ZNF175: variants seen among roughly 807,000 people sequenced by gnomAD.
The protein encoded by ZNF175 is zinc finger protein OTK18.
Under a neutral mutation model 14.0 loss-of-function variants are expected in ZNF175, and 8 were observed. That is an observed-to-expected ratio of 0.57 (90% confidence interval 0.34 to 1.03). ZNF175 has a LOEUF of 1.03. Among genes scored for constraint, ZNF175 ranks in the 50% least tolerant of loss-of-function variants. The probability of loss-of-function intolerance (pLI) is 0.03; values close to 1 mark genes in which losing one functional copy is unlikely to be tolerated. For synonymous variants in ZNF175, 255 were observed against 296.8 expected, an observed-to-expected ratio of 0.86 and a Z score of 1.45; for missense variants, 764 against 849.5, an observed-to-expected ratio of 0.90 and a Z score of 1.25.
chr19:51,576,488 C>G (rs913555452), intron 2 of ZNF175, among the ~76,000 whole-genome samples: 5 of 152,114 alleles, frequency 3.3e-5, no homozygotes, highest in Non-Finnish European at 7.4e-5. Flanking sequence ...TTGCGAGGTA[C>G]TGCTGCCATT....
chr19:51,573,313 A>G lies in ZNF175; in HGVS notation c.-17A>G, dbSNP rs375509014. 11 of 1,612,606 alleles carry G rather than the reference A, an allele frequency of 6.8e-6. No individual in the cohort carries two copies. The highest frequency in any genetic ancestry group is 2.5e-6 in the Non-Finnish European group (3 of 1,179,460). Reference sequence around the variant, plus strand: ...GTTGTCAGCAAGAGAGACCGAGAGTAGAAGCCCAGAGTGGAGATGCCTGCT... The same window carrying G: ...GTTGTCAGCAAGAGAGACCGAGAGTGGAAGCCCAGAGTGGAGATGCCTGCT... On this transcript the variant is annotated 5_prime_UTR_variant, in exon 2 of 5. Coordinates refer to ENST00000262259, the MANE Select transcript of ZNF175 (RefSeq NM_007147.4).
chr19:51,578,792 A>C (rs1306865102), intron 2 of ZNF175, among the ~76,000 whole-genome samples: 1 of 152,000 alleles, frequency 6.6e-6, no homozygotes, highest in Admixed American at 6.5e-5. Flanking sequence ...AAGACCTGAG[A>C]GGTTTACAGG....
At chr19:51,580,930 C>T (rs1377830067) in intron 2 of ZNF175, among the ~76,000 whole-genome samples, 1 of 152,182 alleles carries the variant, frequency 6.6e-6, no homozygotes, top group African/African-American at 2.4e-5. Context: ...TGCCCTTCCC[C>T]AACAGTGTCC....
chr19:51,592,210 GTAGT>G lies in ZNF175; in HGVS notation c.*3747_*3750del, dbSNP rs759878345. Reference sequence around the variant, plus strand: ...ATTGGCACAAAGGTTGGGCACAGTAGTAGTTAGGCTCATGGGCTCTGGAGCCAAC... The same window carrying G: ...ATTGGCACAAAGGTTGGGCACAGTAGTAGGCTCATGGGCTCTGGAGCCAAC... On this transcript the variant is annotated 3_prime_UTR_variant, in exon 5 of 5. Coordinates refer to ENST00000262259, the MANE Select transcript of ZNF175 (RefSeq NM_007147.4). 1 of 181,404 alleles carries G rather than the reference GTAGT, an allele frequency of 5.5e-6. No individual in the cohort carries two copies. Among genetic ancestry groups the G allele is most frequent in the Admixed American group, 5.5e-5 (1 of 18,068 alleles). The allele number at this position is 181,404 out of a possible 1,614,324, so 11.2% of individuals were successfully genotyped here. A position where few individuals can be genotyped will look rare whatever the true frequency, so the allele number is the denominator to read the frequency against.
rs1981928409 is a variant in ZNF175, at chr19:51,579,560, C to T, written c.73-1831C>T. On this transcript the variant is annotated intron_variant, in intron 2 of 4. Coordinates refer to ENST00000262259, the MANE Select transcript of ZNF175 (RefSeq NM_007147.4). ...CATCTGGGAATTGCCAGTGTAACTC[C>T]CATGCCTGTACCAAAATGCATACAG... Among the ~76,000 whole-genome samples the T allele has an allele frequency of 2.0e-5, 3 of 152,192 alleles. No homozygotes were observed. In the South Asian group the frequency reaches 6.2e-4, roughly 32 times the overall value.
At chr19:51,584,358 A>C (rs1328898395) in intron 4 of ZNF175, among the ~76,000 whole-genome samples, 4 of 152,222 alleles carry the variant, frequency 2.6e-5, no homozygotes, top group Non-Finnish European at 5.9e-5. Flanking sequence ...AGGACATGAG[A>C]GTGTGCTTGG....
At chr19:51,571,602 G>A (rs1041728319) in intron 1 of ZNF175, 127 bp downstream of exon 1, 2 of 152,190 alleles carry the variant, frequency 1.3e-5, no homozygotes, top group African/African-American at 4.8e-5. Flanking sequence ...CTCTTTTCTT[G>A]CTTATTTTCT....
chr19:51,581,231 A>AT (rs772373234), intron 2 of ZNF175, 160 bp from the exon 3 acceptor site: 315 of 986,366 alleles, frequency 3.2e-4, no homozygotes, highest in Middle Eastern at 6.6e-4. Context: ...TATTTCTCTT[A>AT]TTTTTTTTTA....
Position 51,590,005 on chromosome 19 carries a change from A to C in ZNF175, c.*1538A>C. 5.4e-6 allele frequency: 1 copy of C among 184,156 alleles called. No individual in the cohort carries two copies. 11.4% of individuals were successfully genotyped at this position (184,156 alleles called of 1,614,324 possible). A position where few individuals can be genotyped will look rare whatever the true frequency, so the allele number is the denominator to read the frequency against. ...TGGATGGTATTTTTTTCATTCTACA[A>C]TCCATGATGGATTGTACACACGTGT... On this transcript the variant is annotated 3_prime_UTR_variant, in exon 5 of 5. Transcript: ENST00000262259.
chr19:51,587,399 A>G lies in ZNF175; in HGVS notation c.1068A>G (p.Thr356=). 6.2e-7 allele frequency: 1 copy of G among 1,614,080 alleles called. No homozygotes were observed. ...CAGAATTGCTTACGCACCAGAAAAC[A>G]CACACTAGAAAGAAGCCCTATAAAT... is the stretch of plus-strand genomic sequence containing the variant. ...QRSELLTHQK[T]HTRKKPYKCH... is the part of the protein sequence containing the mutation. The change falls in exon 5 of 5, where the codon ACA becomes ACG. Residue 356 remains threonine (T), a synonymous_variant. Coordinates refer to ENST00000262259, the MANE Select transcript of ZNF175 (RefSeq NM_007147.4).
chr19:51,575,239 C>T (rs1300890597), intron 2 of ZNF175, among the ~76,000 whole-genome samples: 5 of 103,776 alleles, frequency 4.8e-5, no homozygotes, highest in Non-Finnish European at 7.1e-5. Flanking sequence ...TTTTTTGAGA[C>T]GGAGTCTCGC....
Position 51,577,427 on chromosome 19 carries a change from T to C in ZNF175, c.73-3964T>C, listed in dbSNP as rs74528924. 2.7e-3 allele frequency among the ~76,000 whole-genome samples: 403 copies of C among 152,012 alleles called. 15 individuals are homozygous for C. The East Asian group carries it at 0.047, about 18-fold the overall frequency. ...TTTGGACCCTCTTTCTGGAAGAATT[T>C]CTCAACTTTATTTTCTAGCCCTCCG... is the stretch of plus-strand genomic sequence containing the variant. On this transcript the variant is annotated intron_variant, in intron 2 of 4. Coordinates refer to ENST00000262259, the MANE Select transcript of ZNF175 (RefSeq NM_007147.4).
At chr19:51,582,739 T>C (rs141824596) in intron 4 of ZNF175, among the ~76,000 whole-genome samples, 47 of 152,324 alleles carry the variant, frequency 3.1e-4, no homozygotes, top group South Asian at 6.2e-4. Context: ...TTCTGCCTTT[T>C]TTTTCCAGTT....
At position 51,587,621 on chromosome 19, in the gene ZNF175, G is replaced by C; in HGVS notation, c.1290G>C (p.Gln430His). 6.2e-7 allele frequency: 1 copy of C among 1,613,520 alleles called. No homozygotes were observed. The highest frequency in any genetic ancestry group is 8.5e-7 in the Non-Finnish European group (1 of 1,179,840). ...ACSECGKAFT[Q>H]KSTLSLHQRI... is the part of the protein sequence containing the mutation. ...GTGAATGTGGGAAAGCCTTTACCCA[G>C]AAGTCAACACTCAGCTTGCACCAGA... is the stretch of plus-strand genomic sequence containing the variant. The change falls in exon 5 of 5, where the codon CAG becomes CAC. Residue 430 changes from glutamine to histidine, a missense_variant. Coordinates refer to ENST00000262259, the MANE Select transcript of ZNF175 (RefSeq NM_007147.4).
At chr19:51,572,097 A>T (rs962380063) in intron 1 of ZNF175, among the ~76,000 whole-genome samples, 1 of 152,104 alleles carries the variant, frequency 6.6e-6, no homozygotes, top group Non-Finnish European at 1.5e-5. Context: ...CACATCGATG[A>T]TGGTTTCCTA....
Position 51,573,365 on chromosome 19 carries a change from G to T in ZNF175, c.36G>T (p.Gln12His). ...ATGTGAATTTATCCCAGAAGCCTCA[G>T]GTCCTGGGTCCAGAGAAGCAGGATG... is the stretch of plus-strand genomic sequence containing the variant. ...PADVNLSQKPQVLGPEKQDGS... is the reference protein window; with the variant it reads ...PADVNLSQKPHVLGPEKQDGS... The change falls in exon 2 of 5, where the codon CAG becomes CAT. Residue 12 changes from glutamine to histidine, a missense_variant. Gln to His is a conservative substitution (Grantham distance 24). Transcript: ENST00000262259. 1.2e-6 allele frequency: 2 copies of T among 1,612,332 alleles called. No individual in the cohort carries two copies. Among genetic ancestry groups the T allele is most frequent in the Non-Finnish European group, 1.7e-6 (2 of 1,179,362 alleles).
At chr19:51,579,033 C>G (rs557260549) in intron 2 of ZNF175, among the ~76,000 whole-genome samples, 2 of 152,192 alleles carry the variant, frequency 1.3e-5, no homozygotes, top group East Asian at 3.9e-4. Flanking sequence ...ATGGGCCGAT[C>G]ACTTGAGGCC....
Position 51,588,093 on chromosome 19 carries a change from G to A in ZNF175, c.1762G>A (p.Val588Met). ...AATTCACACGGGTGAGAAACCCTAT[G>A]TGTGCACTGAATGTGGGAAGGCCTT... ...QRIHTGEKPY[V>M]CTECGKAFNG... Residue 588 changes from valine (V) to methionine (M), a missense_variant, in exon 5 of 5, where the codon GTG (valine) becomes ATG (methionine). Coordinates refer to ENST00000262259, the MANE Select transcript of ZNF175 (RefSeq NM_007147.4). The A allele has an allele frequency of 6.2e-7, 1 of 1,614,174 alleles. No homozygotes were observed. Among genetic ancestry groups the A allele is most frequent in the South Asian group, 1.1e-5 (1 of 91,082 alleles).
chr19:51,587,001 G>C lies in ZNF175; in HGVS notation c.670G>C (p.Asp224His), dbSNP rs764912000. ...TGAAAGCAATGACACAGAACAGCTT[G>C]ATGACGTTGTTGGGTCTGGTCAGCT... ...QNESNDTEQL[D>H]DVVGSGQLFS... Residue 224 changes from aspartate (D) to histidine (H), a missense_variant, in exon 5 of 5, where the codon GAT becomes CAT. Physicochemically the swap from Asp to His is moderately conservative, Grantham distance 81. Coordinates refer to ENST00000262259, the MANE Select transcript of ZNF175 (RefSeq NM_007147.4). 6.2e-7 allele frequency: 1 copy of C among 1,614,192 alleles called. No homozygotes were observed. Among genetic ancestry groups the C allele is most frequent in the Non-Finnish European group, 8.5e-7 (1 of 1,180,006 alleles).
Sources: gnomAD v4.1 joint callset for allele counts (sites outside exome capture counted in the v4.1 genomes callset) on GRCh38, gnomAD v4.1.1 for gene constraint, MANE v1.5 for transcripts, NCBI Gene and HGNC (gene_info 2026-07-23, HGNC 2026-07-21) for gene names.